Variants in PIGL observed in about 807,000 individuals in gnomAD.
The protein encoded by PIGL is phosphatidylinositol glycan anchor biosynthesis class L, also known as N-acetylglucosaminyl-phosphatidylinositol de-N-acetylase.
A neutral mutation model predicts 31.1 loss-of-function variants in PIGL; 22 were observed. The observed-to-expected ratio is 0.71, with a 90% confidence interval of 0.51 to 1.01. The LOEUF is 1.01. Ranked by LOEUF, PIGL falls within the 50% of genes least tolerant of loss-of-function variation. PIGL has a pLI of 0.00. For missense variants in PIGL, 302 were observed against 315.9 expected, an observed-to-expected ratio of 0.96 and a Z score of 0.33; for synonymous variants, 131 against 117.4, an observed-to-expected ratio of 1.12 and a Z score of -0.75.
At chr17:16,236,023 A>G (rs2142685395) in intron 2 of PIGL, among the ~76,000 whole-genome samples, 2 of 152,230 alleles carry the variant, frequency 1.3e-5, no homozygotes, top group Middle Eastern at 6.8e-3. Flanking sequence ...TTAGTTTCCA[A>G]TAGTCTCACA....
chr17:16,235,435 C>CTTTTTTTTT (rs903174807), intron 2 of PIGL, among the ~76,000 whole-genome samples: 2 of 90,924 alleles, frequency 2.2e-5, no homozygotes, highest in African/African-American at 9.8e-5. Flanking sequence ...TGTCTACGTT[C>CTTTTTTTTT]TTTTTTTTTT....
At chr17:16,242,350 A>G (rs1568789710) in intron 2 of PIGL, among the ~76,000 whole-genome samples, 1 of 152,120 alleles carries the variant, frequency 6.6e-6, no homozygotes, top group Non-Finnish European at 1.5e-5. Context: ...TTCCCAGTCT[A>G]TATAGAACTT....
chr17:16,317,959 C>CG, intron 6 of PIGL, 51 bp downstream of exon 6: 1 of 1,494,326 alleles, frequency 6.7e-7, no homozygotes, highest in South Asian at 1.1e-5. Flanking sequence ...TGCCCCAGAC[C>CG]CCTGTCTCCT....
intron 2 of PIGL, among the ~76,000 whole-genome samples, chr17:16,240,597 T>G (rs2092718505): frequency 6.6e-6 from 1 of 151,704 alleles, no homozygotes; most frequent in Admixed American, 6.6e-5. Flanking sequence ...AACTCCCGGG[T>G]GCAAGGGATC....
At chr17:16,253,812 G>A (rs1019964189) in intron 2 of PIGL, among the ~76,000 whole-genome samples, 1 of 152,068 alleles carries the variant, frequency 6.6e-6, no homozygotes, top group Non-Finnish European at 1.5e-5. Context: ...CAGGCATGCT[G>A]CACACCAGTA....
chr17:16,266,194 C>T (rs868537623), intron 2 of PIGL, among the ~76,000 whole-genome samples: 12 of 151,868 alleles, frequency 7.9e-5, no homozygotes, highest in African/African-American at 2.9e-4. Context: ...GCAGGCGGAT[C>T]ACCTGAAGTC....
intron 2 of PIGL, among the ~76,000 whole-genome samples, chr17:16,237,048 C>G (rs999178806): frequency 2.6e-5 from 4 of 151,424 alleles, no homozygotes; most frequent in African/African-American, 9.7e-5. Context: ...GGCAATCCTC[C>G]TGTGTCAGCC....
intron 2 of PIGL, among the ~76,000 whole-genome samples, chr17:16,248,911 G>C (rs771939273): frequency 1.5e-4 from 23 of 152,124 alleles, no homozygotes; most frequent in Non-Finnish European, 2.4e-4. Context: ...GTTGGTTTCT[G>C]GTAAGGGTCC....
chr17:16,290,639 C>T (rs1474619142), intron 2 of PIGL, among the ~76,000 whole-genome samples: 1 of 152,136 alleles, frequency 6.6e-6, no homozygotes, highest in Non-Finnish European at 1.5e-5. Flanking sequence ...CCTCCTTGGC[C>T]TCCCAAAGTC....
chr17:16,256,693 G>GTA (rs2092795123), intron 2 of PIGL, among the ~76,000 whole-genome samples: 1 of 118,750 alleles, frequency 8.4e-6, no homozygotes, highest in African/African-American at 3.7e-5. Flanking sequence ...TTTGTTTTTT[G>GTA]TGTGTTTGTT....
chr17:16,254,495 C>T (rs1019878245), intron 2 of PIGL, among the ~76,000 whole-genome samples: 2 of 152,138 alleles, frequency 1.3e-5, no homozygotes, highest in East Asian at 1.9e-4. Context: ...CTCGAACTCG[C>T]GACCTCAGGT....
chr17:16,247,719 T>C (rs2092754559), intron 2 of PIGL, among the ~76,000 whole-genome samples: 1 of 152,208 alleles, frequency 6.6e-6, no homozygotes, highest in African/African-American at 2.4e-5. Flanking sequence ...TGTTGTCTGG[T>C]CCTGTAGACT....
intron 2 of PIGL, among the ~76,000 whole-genome samples, chr17:16,244,340 T>C (rs1377275546): frequency 2.0e-5 from 3 of 152,198 alleles, no homozygotes; most frequent in Non-Finnish European, 4.4e-5. Flanking sequence ...TGCCCAGGAA[T>C]GAACAAGGAC....
intron 1 of PIGL, among the ~76,000 whole-genome samples, chr17:16,221,754 G>T (rs963741589): frequency 2.0e-5 from 3 of 152,094 alleles, no homozygotes; most frequent in Non-Finnish European, 4.4e-5. Context: ...CAAGTAGCTG[G>T]GATTACAGGT....
chr17:16,287,159 C>T (rs1424438337), intron 2 of PIGL, among the ~76,000 whole-genome samples: 1 of 152,250 alleles, frequency 6.6e-6, no homozygotes, highest in Admixed American at 6.5e-5. Flanking sequence ...CGAGAAGCCG[C>T]AGGCTGGTTC....
chr17:16,262,052 A>C (rs985799199), intron 2 of PIGL, among the ~76,000 whole-genome samples: 1 of 151,984 alleles, frequency 6.6e-6, no homozygotes, highest in Non-Finnish European at 1.5e-5. Context: ...GTGAAATTCC[A>C]TCTCTACTAA....
chr17:16,323,952 T>TATTG (rs1316363797), intron 6 of PIGL, among the ~76,000 whole-genome samples: 1 of 151,244 alleles, frequency 6.6e-6, no homozygotes, highest in Non-Finnish European at 1.5e-5. Context: ...TTATTTCTCT[T>TATTG]ATTTATTTAT....
intron 2 of PIGL, among the ~76,000 whole-genome samples, chr17:16,293,494 C>T (rs1473497445): frequency 6.6e-6 from 1 of 152,222 alleles, no homozygotes; most frequent in Non-Finnish European, 1.5e-5. Flanking sequence ...CACCACTGCA[C>T]TCCAGCCTGG....
intron 2 of PIGL, among the ~76,000 whole-genome samples, chr17:16,281,474 C>A (rs1210177576): frequency 3.3e-5 from 5 of 152,202 alleles, no homozygotes; most frequent in Admixed American, 3.3e-4. Flanking sequence ...CTTTGCAAAG[C>A]CAGATGCAAC....
Sources: gnomAD v4.1 joint callset for allele counts (sites outside exome capture counted in the v4.1 genomes callset) on GRCh38, gnomAD v4.1.1 for gene constraint, MANE v1.5 for transcripts, NCBI Gene and HGNC (gene_info 2026-07-23, HGNC 2026-07-21) for gene names.